The following TTC29 variants were observed in gnomAD, a reference collection of about 807,000 sequenced individuals.
The protein encoded by TTC29 is tetratricopeptide repeat domain 29.
TTC29 carries 49 observed loss-of-function variants against 58.1 expected under a neutral mutation model. The observed-to-expected ratio is 0.84, with a 90% CI of 0.67 to 1.07. TTC29 has a LOEUF of 1.07. Among genes scored for constraint, TTC29 ranks in the 50% least tolerant of loss-of-function variants. The pLI, the probability that TTC29 is intolerant of heterozygous loss-of-function variation, is 0.00. For synonymous variants in TTC29, 209 were observed against 196.8 expected (o/e 1.06, Z -0.52); for missense variants, 582 against 555.6 (o/e 1.05, Z -0.48).
chr4:146,712,864 T>G (rs1206055167), intron 11 of TTC29, among the ~76,000 whole-genome samples: 1 of 152,006 alleles, frequency 6.6e-6, no homozygotes, highest in East Asian at 1.9e-4. Context: ...GGCAGAGATT[T>G]AGAAAAGGGA....
intron 8 of TTC29, among the ~76,000 whole-genome samples, chr4:146,850,233 A>T (rs919430751): frequency 2.0e-5 from 3 of 152,186 alleles, no homozygotes; most frequent in African/African-American, 7.2e-5. Context: ...CACCCCATGC[A>T]TTGGCATTAT....
intron 11 of TTC29, among the ~76,000 whole-genome samples, chr4:146,776,261 C>T (rs1430806791): frequency 6.6e-6 from 1 of 152,136 alleles, no homozygotes; most frequent in Non-Finnish European, 1.5e-5. Context: ...ATCTTCACTC[C>T]TATCCATATT....
chr4:146,743,841 G>A (rs1745343646), intron 11 of TTC29, among the ~76,000 whole-genome samples: 1 of 152,156 alleles, frequency 6.6e-6, no homozygotes, highest in African/African-American at 2.4e-5. Flanking sequence ...TTTACATCTG[G>A]GGTTGACCTC....
rs144211688 is a variant in TTC29, at chr4:146,713,287, T to TTCC, written c.1331-5739_1331-5737dup. Reference sequence around the variant, plus strand: ...ATAATTGGGTGTTTCTTTATTCGTTTTCCTCCTCCTCCTCCTCCTCCTTGT... The same window carrying TTCC: ...ATAATTGGGTGTTTCTTTATTCGTTTTCCTCCTCCTCCTCCTCCTCCTCCTTGT... On this transcript the variant is annotated intron_variant, in intron 11 of 12. Transcript: ENST00000325106. 7.2e-3 allele frequency among the ~76,000 whole-genome samples: 1,078 copies of TTCC among 149,620 alleles called. 63 individuals are homozygous for TTCC. The East Asian group carries it at 0.13, about 18-fold the overall frequency.
At chr4:146,750,415 AT>A (rs1162670035) in intron 11 of TTC29, among the ~76,000 whole-genome samples, 3 of 152,220 alleles carry the variant, frequency 2.0e-5, no homozygotes, top group African/African-American at 7.2e-5. Context: ...GTAGAGGTAA[AT>A]GCATAGTCAA....
intron 8 of TTC29, 87 bp from the exon 9 acceptor site, chr4:146,833,984 T>C (rs1728344196): frequency 2.2e-6 from 2 of 906,644 alleles, no homozygotes; most frequent in African/African-American, 3.4e-5. Flanking sequence ...ATAAAATTAA[T>C]AGTTGGTTTT....
chr4:146,931,273 G>C (rs2150318521), intron 4 of TTC29, among the ~76,000 whole-genome samples: 1 of 152,118 alleles, frequency 6.6e-6, no homozygotes, highest in South Asian at 2.1e-4. Context: ...ATGATACTTA[G>C]TACGAAGCAA....
Position 146,803,789 on chromosome 4 carries a change from T to C in TTC29, c.1102-104A>G, listed in dbSNP as rs191916709. ...TGTCCCACACTGACCTTTCGACAGT[T>C]ACAGCAGTTCATCTTCAAGAAGAAA... On this transcript the variant is annotated intron_variant, in intron 10 of 12. Coordinates refer to ENST00000325106, the MANE Select transcript of TTC29 (RefSeq NM_031956.4). The C allele has an allele frequency of 5.8e-4, 477 of 822,478 alleles. 5 individuals are homozygous for C. The highest frequency in any genetic ancestry group is 5.6e-3 in the Admixed American group (190 of 33,696). The allele number at this position is 822,478 out of a possible 1,614,324, so 50.9% of individuals were successfully genotyped here.
At chr4:146,873,949 G>T (rs908743632) in intron 7 of TTC29, among the ~76,000 whole-genome samples, 10 of 152,062 alleles carry the variant, frequency 6.6e-5, no homozygotes, top group Non-Finnish European at 1.3e-4. Flanking sequence ...TCTCCTTCCT[G>T]AAAAGGCTAC....
chr4:146,936,423 T>C (rs1402226143), intron 4 of TTC29, among the ~76,000 whole-genome samples: 1 of 152,184 alleles, frequency 6.6e-6, no homozygotes, highest in African/African-American at 2.4e-5. Context: ...AGAATCCAAA[T>C]ACGGCATACA....
intron 11 of TTC29, among the ~76,000 whole-genome samples, chr4:146,742,925 A>T (rs1290371030): frequency 6.6e-6 from 1 of 152,146 alleles, no homozygotes; most frequent in African/African-American, 2.4e-5. Flanking sequence ...CAATGGAAAT[A>T]TAAAACAAAC....
At chr4:146,736,916 G>T (rs1744747932) in intron 11 of TTC29, among the ~76,000 whole-genome samples, 1 of 152,112 alleles carries the variant, frequency 6.6e-6, no homozygotes, top group African/African-American at 2.4e-5. Context: ...ACTCTGTGAG[G>T]TGCTGCTGGA....
intron 11 of TTC29, among the ~76,000 whole-genome samples, chr4:146,777,001 G>T: frequency 6.6e-6 from 1 of 152,134 alleles, no homozygotes; most frequent in East Asian, 1.9e-4. Context: ...CACACTGGCG[G>T]TGGTGGTGGC....
At chr4:146,864,079 T>G (rs1193736824) in intron 8 of TTC29, among the ~76,000 whole-genome samples, 1 of 152,132 alleles carries the variant, frequency 6.6e-6, no homozygotes, top group Non-Finnish European at 1.5e-5. Context: ...ATATAATATT[T>G]CCACTCTAGA....
At chr4:146,732,253 G>C (rs1744389302) in intron 11 of TTC29, among the ~76,000 whole-genome samples, 1 of 151,928 alleles carries the variant, frequency 6.6e-6, no homozygotes, top group Admixed American at 6.6e-5. Context: ...CTATAGTTGT[G>C]GGCTTATAGA....
chr4:146,768,488 ACTGT>A (rs1412421348), intron 11 of TTC29, among the ~76,000 whole-genome samples: 1 of 152,066 alleles, frequency 6.6e-6, no homozygotes, highest in African/African-American at 2.4e-5. Flanking sequence ...ATTACTATAA[ACTGT>A]CTGAGAAAAT....
intron 11 of TTC29, among the ~76,000 whole-genome samples, chr4:146,714,006 T>C (rs918855025): frequency 3.3e-5 from 5 of 152,172 alleles, no homozygotes; most frequent in Admixed American, 1.3e-4. Flanking sequence ...CCCGCAATTT[T>C]TTTCTATTCA....
At chr4:146,778,976 C>CAAAAAAAAAAAAAA (rs369374851) in intron 11 of TTC29, among the ~76,000 whole-genome samples, 200 of 28,548 alleles carry the variant, frequency 7.0e-3, no homozygotes, top group Non-Finnish European at 7.9e-3. Flanking sequence ...CCTAAATAAG[C>CAAAAAAAAAAAAAA]AAAAAAAAAA....
rs367871104 is a variant in TTC29, at chr4:146,843,107, G to C, written c.886-9210C>G. On this transcript the variant is annotated intron_variant, in intron 8 of 12. Transcript: ENST00000325106. ...CTGAGGACCAGACTGGGCAGCCATA[G>C]CATTCAGGGATGTTTTAGAGGAGCC... Among the ~76,000 whole-genome samples, 89 of 152,284 alleles carry C rather than the reference G, an allele frequency of 5.8e-4. 2 individuals carry two copies. The South Asian group carries it at 0.018, about 31-fold the overall frequency.
Sources: allele counts gnomAD v4.1 joint callset (sites outside exome capture counted in the v4.1 genomes callset), GRCh38; gene constraint gnomAD v4.1.1; transcripts MANE v1.5; gene names NCBI Gene and HGNC (gene_info 2026-07-23, HGNC 2026-07-21).